CHD8: variants seen among roughly 807,000 people sequenced by gnomAD.
CHD8 encodes the protein ATP-dependent chromatin remodeler CHD8.
In CHD8, 31 loss-of-function variants were observed where a neutral mutation model predicts 279.2. That is an observed-to-expected ratio of 0.11 (90% CI 0.08 to 0.15). The LOEUF is 0.15. CHD8 is among the 10% of genes least tolerant of loss of function. The pLI is 1.00. For synonymous variants in CHD8, 1,081 were observed against 1,139.6 expected (o/e 0.95, Z 1.04); for missense variants, 2,146 against 3,230.5 (o/e 0.66, Z 8.14).
intron 11 of CHD8, 93 bp downstream of exon 11, chr14:21,409,758 T>G: frequency 8.3e-7 from 1 of 1,206,376 alleles, no homozygotes; most frequent in South Asian, 1.5e-5. Flanking sequence ...GAAATTTCCA[T>G]AATAAAAAGC....
chr14:21,414,838 G>T, intron 8 of CHD8, 100 bp downstream of exon 8: 1 of 827,766 alleles, frequency 1.2e-6, no homozygotes, highest in Non-Finnish European at 2.0e-6. Context: ...TGGGCTACAA[G>T]ACTATAAAAA....
chr14:21,440,940 TC>T (rs1052985227), intron 1 of CHD8, among the ~76,000 whole-genome samples: 2 of 152,150 alleles, frequency 1.3e-5, no homozygotes, highest in Non-Finnish European at 2.9e-5. Context: ...CTAGTTTTTT[TC>T]TGCTCAGCAA....
chr14:21,437,049 GACGGGAAGATGC>G, intron 1 of CHD8: 1 of 692,750 alleles, frequency 1.4e-6, no homozygotes, highest in Non-Finnish European at 2.2e-6. Context: ...GGATGGCCAA[GACGGGAAGATGC>G]GGGGGGTGGG....
Position 21,415,809 on chromosome 14 carries a change from A to G in CHD8, c.1815T>C (p.Thr605=), listed in dbSNP as rs751729011. ...DDEEEEEVDV[T]GPIKPEPILP... ...GGATAGGCTCAGGTTTTATTGGACC[A>G]GTTACATCCACCTCTTCTTCTTCTT... The change falls in exon 6 of 38, where the codon ACT becomes ACC. Residue 605 remains threonine (T), a synonymous_variant. Coordinates refer to ENST00000646647, the MANE Select transcript of CHD8 (RefSeq NM_001170629.2). 1 of 1,613,980 alleles carries G rather than the reference A, an allele frequency of 6.2e-7. No homozygotes were observed. Among genetic ancestry groups the G allele is most frequent in the Non-Finnish European group, 8.5e-7 (1 of 1,179,856 alleles).
rs1888206522 is a variant in CHD8 at position 21,405,141 on chromosome 14, A to T, written c.3307+68T>A. 6 of 1,522,538 alleles carry T rather than the reference A, an allele frequency of 3.9e-6. No homozygotes were observed. Among genetic ancestry groups the T allele is most frequent in the Non-Finnish European group, 4.5e-6 (5 of 1,109,596 alleles). 94.3% of individuals were successfully genotyped at this position (1,522,538 alleles called of 1,614,324 possible). ...TGAGTCAATGCATCCATTGTCCCCA[A>T]GGAGAATCATCCGGAAAGTAAACAC... On this transcript the variant is annotated intron_variant, in intron 16 of 37. Transcript: ENST00000646647. This position sits in a 1 kb window ranked among gnomAD's most constrained non-coding sequence, Gnocchi z 4.2.
chr14:21,401,632 T>C, intron 20 of CHD8, 119 bp from the exon 21 acceptor site: 1 of 647,046 alleles, frequency 1.5e-6, no homozygotes. Context: ...TTGCCCAGGC[T>C]GGGGTACAGT....
In CHD8 at chr14:21,385,739, G is replaced by C; in HGVS notation, c.7620C>G (p.Asp2540Glu). 1 of 1,551,282 alleles carries C rather than the reference G, an allele frequency of 6.4e-7. No homozygotes were observed. Among genetic ancestry groups the C allele is most frequent in the South Asian group, 1.2e-5 (1 of 84,046 alleles). ...CATCATCATCTTCTTCATCCTCATC[G>C]TCATCCTCCTCAGGTTGCAGTGGTG... is the stretch of plus-strand genomic sequence containing the variant. ...RLPPLQPEED[D>E]DEDEEDDDDL... Residue 2540 changes from aspartate to glutamate, a missense_variant, in exon 38 of 38, where the codon GAC becomes GAG. Coordinates refer to ENST00000646647, the MANE Select transcript of CHD8 (RefSeq NM_001170629.2).
rs1304951558 is a variant in CHD8, at chr14:21,427,325, G to C, written c.1601+544C>G. 4 of 607,104 alleles carry C rather than the reference G, an allele frequency of 6.6e-6. No individual in the cohort carries two copies. In the African/African-American group the frequency reaches 8.4e-5, roughly 13 times the overall value. 37.6% of individuals were successfully genotyped at this position (607,104 alleles called of 1,614,324 possible). A position where few individuals can be genotyped will look rare whatever the true frequency, so the allele number is the denominator to read the frequency against. On this transcript the variant is annotated intron_variant, in intron 4 of 37. Transcript: ENST00000646647. ...TCCCAATAGCAAGGAGCACTCACTT[G>C]AGCTTGCTCTTGCCCGTCCCATCCC...
chr14:21,425,902 C>T (rs767201780), intron 5 of CHD8: 1 of 489,226 alleles, frequency 2.0e-6, no homozygotes, highest in Non-Finnish European at 3.6e-6. Context: ...TGCCACTGCA[C>T]TTCAGGCCTG....
intron 10 of CHD8, 105 bp downstream of exon 10, chr14:21,412,808 C>A: frequency 1.4e-6 from 1 of 714,264 alleles, no homozygotes; most frequent in Non-Finnish European, 2.5e-6. Flanking sequence ...AATACCTTTT[C>A]AGTCCAAGGG....
rs149835669 is a variant in CHD8, at chr14:21,394,797, C to G, written c.5390+115G>C. On this transcript the variant is annotated intron_variant, in intron 30 of 37. Transcript: ENST00000646647. The stretch of plus-strand genomic sequence containing the variant: ...TTTCTACAGGTTTAACTACCCAAGG[C>G]AGAAAAGATGGTCCCTCTGTAGAGA... 222 of 1,117,764 alleles carry G rather than the reference C, an allele frequency of 2.0e-4. 1 individual carries two copies. The African/African-American group carries it at 3.3e-3, about 17-fold the overall frequency. The allele number at this position is 1,117,764 out of a possible 1,614,324, so 69.2% of individuals were successfully genotyped here. A position where few individuals can be genotyped will look rare whatever the true frequency, so the allele number is the denominator to read the frequency against.
intron 8 of CHD8, 94 bp downstream of exon 8, chr14:21,414,843 TA>T: frequency 3.4e-6 from 3 of 882,826 alleles, no homozygotes; most frequent in Admixed American, 2.4e-5. Context: ...TACAAGACTA[TA>T]AAAAAGGGAC....
rs777713362 is a variant in CHD8 at position 21,402,521 on chromosome 14, C to T, written c.3715-18G>A. 7.7e-6 allele frequency: 12 copies of T among 1,559,544 alleles called. No homozygotes were observed. The highest frequency in any genetic ancestry group is 1.2e-5 in the South Asian group (1 of 82,596). On this transcript the variant is annotated intron_variant, in intron 18 of 37. Coordinates refer to ENST00000646647, the MANE Select transcript of CHD8 (RefSeq NM_001170629.2). The surrounding 1 kb of genome is among the most constrained non-coding windows in gnomAD (Gnocchi z 4.5). ...GCCTGGGCCTGGTTTAAAATAAAAA[C>T]GAAAGGAAAGGAGAAAGATATCATA...
intron 27 of CHD8, 107 bp downstream of exon 27, chr14:21,397,716 T>C: frequency 1.7e-6 from 2 of 1,184,172 alleles, no homozygotes; most frequent in Non-Finnish European, 2.4e-6. Flanking sequence ...TAAGGATCTA[T>C]CACTTTTGAG....
At chr14:21,386,353 C>G (rs536678628) in intron 37 of CHD8, 177 bp from the exon 38 acceptor site, 1 of 611,296 alleles carries the variant, frequency 1.6e-6, no homozygotes, top group African/African-American at 1.8e-5. Context: ...AAATGCTGGA[C>G]TTAGCTGGTT....
At chr14:21,444,192 G>A (rs1890057956) in intron 1 of CHD8, among the ~76,000 whole-genome samples, 1 of 152,168 alleles carries the variant, frequency 6.6e-6, no homozygotes, top group Non-Finnish European at 1.5e-5. Context: ...GAGGATTAAT[G>A]AAACAACTGG....
intron 21 of CHD8, 139 bp from the exon 22 acceptor site, chr14:21,401,210 C>A: frequency 1.1e-6 from 1 of 886,324 alleles, no homozygotes. Flanking sequence ...GTAAAATAAT[C>A]TACAGAAAGC....
intron 28 of CHD8, 136 bp from the exon 29 acceptor site, chr14:21,395,488 C>T (rs1206943614): frequency 1.6e-6 from 1 of 636,956 alleles, no homozygotes; most frequent in Non-Finnish European, 2.7e-6. Context: ...AAATATATCC[C>T]CACAAAAACT....
In CHD8 at chr14:21,402,528, A is replaced by G; in HGVS notation, c.3715-25T>C. On this transcript the variant is annotated intron_variant, in intron 18 of 37. Coordinates refer to ENST00000646647, the MANE Select transcript of CHD8 (RefSeq NM_001170629.2). The surrounding 1 kb of genome is among the most constrained non-coding windows in gnomAD (Gnocchi z 4.5). ...CCTGGTTTAAAATAAAAACGAAAGGAAAGGAGAAAGATATCATAAAATTAG... is the reference window on the plus strand; with the variant it reads ...CCTGGTTTAAAATAAAAACGAAAGGGAAGGAGAAAGATATCATAAAATTAG... 1 of 1,559,176 alleles carries G rather than the reference A, an allele frequency of 6.4e-7. No homozygotes were observed. Among genetic ancestry groups the G allele is most frequent in the Non-Finnish European group, 8.7e-7 (1 of 1,154,732 alleles).
Sources: gnomAD v4.1 joint callset for allele counts (sites outside exome capture counted in the v4.1 genomes callset) on GRCh38, gnomAD v4.1.1 for gene constraint, Gnocchi (gnomAD v3.1) non-coding constraint, MANE v1.5 for transcripts, NCBI Gene and HGNC (gene_info 2026-07-23, HGNC 2026-07-21) for gene names.